Variants in SPATA12 observed in about 807,000 individuals in gnomAD.
The protein encoded by SPATA12 is spermatogenesis-associated protein 12.
For missense variants in SPATA12, 219 were observed against 226.4 expected, an observed-to-expected ratio of 0.97 and a Z score of 0.21; for synonymous variants, 85 against 89.2, an observed-to-expected ratio of 0.95 and a Z score of 0.26.
At position 57,069,057 on chromosome 3, in the gene SPATA12, G is replaced by T. The variant is rs115100007; in HGVS notation, c.-329-4309G>T. Among the ~76,000 whole-genome samples the T allele has an allele frequency of 6.3e-3, 958 of 151,808 alleles. 9 individuals carry two copies. The highest frequency in any genetic ancestry group is 0.021 in the African/African-American group (887 of 41,366). The stretch of plus-strand genomic sequence containing the variant: ...TGCCTCAGCCTCTCTCTAGTAACTG[G>T]GATTACAGGCACTCACCACCACGTC... On this transcript the variant is annotated intron_variant, in intron 1 of 1. Coordinates refer to ENST00000334325, the MANE Select transcript of SPATA12 (RefSeq NM_181727.2).
In SPATA12 at chr3:57,069,376, A is replaced by AACACACACACACACAC. The variant is rs147675971; in HGVS notation, c.-329-3970_-329-3955dup. On this transcript the variant is annotated intron_variant, in intron 1 of 1. Coordinates refer to ENST00000334325, the MANE Select transcript of SPATA12 (RefSeq NM_181727.2). ...AAATAACTCTAATCTCTGTCTCTCA[A>AACACACACACACACAC]ACACACACACACACACACACACACA... Among the ~76,000 whole-genome samples, 116 of 146,466 alleles carry AACACACACACACACAC rather than the reference A, an allele frequency of 7.9e-4. 1 individual carries two copies. The highest frequency in any genetic ancestry group is 2.6e-3 in the African/African-American group (104 of 39,738).
Position 57,073,527 on chromosome 3 carries a change from C to G in SPATA12, c.-168C>G. 8.6e-7 allele frequency: 1 copy of G among 1,161,258 alleles called. No homozygotes were observed. Among genetic ancestry groups the G allele is most frequent in the Non-Finnish European group, 1.2e-6 (1 of 853,736 alleles). The allele number at this position is 1,161,258 out of a possible 1,614,324, so 71.9% of individuals were successfully genotyped here. On this transcript the variant is annotated 5_prime_UTR_variant, in exon 2 of 2. Transcript: ENST00000334325. ...GTATCTGGGTGACTGTGGGGTTTGG[C>G]TCTGTTTGAGCACCCCGGGATGATT...
At chr3:57,063,213 C>T (rs917825052) in intron 1 of SPATA12, among the ~76,000 whole-genome samples, 1 of 151,996 alleles carries the variant, frequency 6.6e-6, no homozygotes, top group African/African-American at 2.4e-5. Context: ...GGCTAGAGTG[C>T]GGTTATGAGG....
chr3:57,067,580 A>T (rs1451231981), intron 1 of SPATA12, among the ~76,000 whole-genome samples: 1 of 150,998 alleles, frequency 6.6e-6, no homozygotes, highest in East Asian at 1.9e-4. Context: ...CACACCTGTA[A>T]TCCCAGCACA....
intron 1 of SPATA12, among the ~76,000 whole-genome samples, chr3:57,062,886 G>A (rs533830158): frequency 1.3e-5 from 2 of 152,288 alleles, no homozygotes; most frequent in African/African-American, 4.8e-5. Context: ...CAAGGCACTG[G>A]GGACATGACA....
intron 1 of SPATA12, among the ~76,000 whole-genome samples, chr3:57,067,454 A>AAATAATAATAATAATAAT (rs10528636): frequency 7.1e-4 from 100 of 140,446 alleles, no homozygotes; most frequent in East Asian, 3.6e-3. Context: ...CTCTGTCTCA[A>AAATAATAATAATAATAAT]AATAATAATA....
At chr3:57,064,356 CT>C (rs1406246101) in intron 1 of SPATA12, among the ~76,000 whole-genome samples, 1 of 151,492 alleles carries the variant, frequency 6.6e-6, no homozygotes, top group African/African-American at 2.4e-5. Flanking sequence ...CAGGGTTTCC[CT>C]CTGTTATCCA....
chr3:57,066,846 CT>C (rs1210473701), intron 1 of SPATA12, among the ~76,000 whole-genome samples: 6 of 152,128 alleles, frequency 3.9e-5, no homozygotes, highest in African/African-American at 1.4e-4. Context: ...CCCAGAGAGC[CT>C]TTGGGCTCAC....
At chr3:57,062,474 G>A (rs1402458198) in intron 1 of SPATA12, among the ~76,000 whole-genome samples, 1 of 152,180 alleles carries the variant, frequency 6.6e-6, no homozygotes, top group East Asian at 1.9e-4. Context: ...GGGTGCTCAG[G>A]AGCATGGGGA....
At chr3:57,061,942 C>A (rs962016721) in intron 1 of SPATA12, among the ~76,000 whole-genome samples, 1 of 152,164 alleles carries the variant, frequency 6.6e-6, no homozygotes, top group Non-Finnish European at 1.5e-5. Context: ...CCGGTTGTGA[C>A]AAAAACAAGG....
chr3:57,067,454 AAATAATAATAAT>A (rs10528636), intron 1 of SPATA12, among the ~76,000 whole-genome samples: 8 of 140,450 alleles, frequency 5.7e-5, no homozygotes, highest in African/African-American at 1.6e-4. Flanking sequence ...CTCTGTCTCA[AAATAATAATAAT>A]AATAATAATA....
chr3:57,067,372 G>A (rs541390018), intron 1 of SPATA12, among the ~76,000 whole-genome samples: 7 of 151,316 alleles, frequency 4.6e-5, no homozygotes, highest in Admixed American at 1.3e-4. Flanking sequence ...GGAGAATGGC[G>A]TGAACCCAGG....
At chr3:57,072,685 T>G (rs1160988989) in intron 1 of SPATA12, among the ~76,000 whole-genome samples, 1 of 136,772 alleles carries the variant, frequency 7.3e-6, no homozygotes, top group Non-Finnish European at 1.5e-5. Flanking sequence ...GAGGTTGCAG[T>G]GAGCTGAGAT....
At chr3:57,068,822 C>G (rs80242482) in intron 1 of SPATA12, among the ~76,000 whole-genome samples, 1 of 152,148 alleles carries the variant, frequency 6.6e-6, no homozygotes, top group African/African-American at 2.4e-5. Context: ...TGCACACACA[C>G]GCACACACCC....
intron 1 of SPATA12, among the ~76,000 whole-genome samples, 198 bp downstream of exon 1, chr3:57,060,984 T>A (rs192628362): frequency 3.1e-3 from 467 of 152,316 alleles, no homozygotes; most frequent in Admixed American, 8.0e-3. Context: ...AAATATAATA[T>A]AAAACATACC....
chr3:57,067,311 C>T (rs1422617849), intron 1 of SPATA12, among the ~76,000 whole-genome samples: 2 of 151,452 alleles, frequency 1.3e-5, no homozygotes, highest in South Asian at 2.1e-4. Flanking sequence ...CAAAATTAGC[C>T]GGGCGTGGTG....
rs772287807 is a variant in SPATA12, at chr3:57,074,087, T to C, written c.393T>C (p.Gly131=). 2.5e-6 allele frequency: 4 copies of C among 1,614,022 alleles called. No homozygotes were observed. The Middle Eastern group carries it at 4.9e-4, about 200-fold the overall frequency. Residue 131 remains glycine, a synonymous_variant, in exon 2 of 2, where the codon GGT becomes GGC. Coordinates refer to ENST00000334325, the MANE Select transcript of SPATA12 (RefSeq NM_181727.2). ...ATAACTCTACACCTCAATTTCTTGG[T>C]ATGGAAGATGGGGATAATGAGAGGA... ...VIHNSTPQFL[G]MEDGDNERTT...
chr3:57,062,711 C>T (rs1353757698), intron 1 of SPATA12, among the ~76,000 whole-genome samples: 2 of 152,128 alleles, frequency 1.3e-5, no homozygotes, highest in East Asian at 3.8e-4. Flanking sequence ...TGCACACACA[C>T]ACACACACAA....
At chr3:57,066,145 G>C (rs192880641) in intron 1 of SPATA12, among the ~76,000 whole-genome samples, 24 of 152,224 alleles carry the variant, frequency 1.6e-4, no homozygotes, top group African/African-American at 4.8e-4. Flanking sequence ...ACCTGTAATT[G>C]CAAGAGAACA....
Sources: allele counts gnomAD v4.1 joint callset (sites outside exome capture counted in the v4.1 genomes callset), GRCh38; gene constraint gnomAD v4.1.1; transcripts MANE v1.5; gene names NCBI Gene and HGNC (gene_info 2026-07-23, HGNC 2026-07-21).